Variants in ZBTB45 observed in about 807,000 individuals in gnomAD.
The protein encoded by ZBTB45 is zinc finger and BTB domain-containing protein 45.
In ZBTB45, 22 loss-of-function variants were observed where a neutral mutation model predicts 28.4. The ratio of observed to expected loss-of-function variants is 0.77; its 90% CI spans 0.55 to 1.10. The LOEUF is 1.10. Among genes scored for constraint, ZBTB45 ranks in the 50% least tolerant of loss-of-function variants. The probability of loss-of-function intolerance (pLI) is 0.00; values close to 1 mark genes in which losing one functional copy is unlikely to be tolerated. For synonymous variants in ZBTB45, 361 were observed against 332.3 expected (o/e 1.09, Z -0.94); for missense variants, 656 against 750.2 (o/e 0.87, Z 1.47).
chr19:58,523,671 T>A (rs2053590483), upstream of ZBTB45, among the ~76,000 whole-genome samples: 3 of 143,300 alleles, frequency 2.1e-5, no homozygotes, highest in South Asian at 6.5e-4. Context: ...CCATCTTTTT[T>A]GTTTGTTTGT....
rs184203678 is a variant in ZBTB45 at position 58,532,779 on chromosome 19, T to G, written c.-1+5922A>C. On this transcript the variant is annotated intron_variant, in intron 1 of 1. Coordinates refer to the ZBTB45 transcript ENST00000600130. ...GGCAGTCTGGTCTCAGACTCCTGAC[T>G]CAGGTGATCCGCCCACCTCGGCCTC... Among the ~76,000 whole-genome samples, 3 of 152,182 alleles carry G rather than the reference T, an allele frequency of 2.0e-5. No homozygotes were observed. The East Asian group carries it at 5.8e-4, about 29-fold the overall frequency.
chr19:58,526,529 T>A (rs796500217), intron 1 of ZBTB45, among the ~76,000 whole-genome samples: 64 of 85,156 alleles, frequency 7.5e-4, no homozygotes, highest in Middle Eastern at 6.9e-3. Flanking sequence ...ATTATTATTT[T>A]TTTTTTTTTT....
chr19:58,524,433 ATATG>A (rs770730484), upstream of ZBTB45, among the ~76,000 whole-genome samples: 2,619 of 111,752 alleles, frequency 0.023, 44 homozygotes, highest in African/African-American at 0.053. Context: ...GTGTGTTCAT[ATATG>A]TGTGTGTGTG....
rs565524918 is a variant in ZBTB45 at position 58,524,949 on chromosome 19, T to C, written c.1-7276A>G. Among the ~76,000 whole-genome samples, 9 of 151,632 alleles carry C rather than the reference T, an allele frequency of 5.9e-5. No individual in the cohort carries two copies. In the South Asian group the frequency reaches 6.3e-4, roughly 11 times the overall value. On this transcript the variant is annotated intron_variant, in intron 1 of 1. Coordinates refer to the ZBTB45 transcript ENST00000600130. ...GCCTGAGATGGGAAATGGTGGCCATTGAGGGAAGAGTCTGTGAGAGCACAG... is the reference window on the plus strand; with the variant it reads ...GCCTGAGATGGGAAATGGTGGCCATCGAGGGAAGAGTCTGTGAGAGCACAG...
At chr19:58,534,024 G>T (rs1246837266) in intron 1 of ZBTB45, among the ~76,000 whole-genome samples, 2 of 152,222 alleles carry the variant, frequency 1.3e-5, no homozygotes, top group African/African-American at 2.4e-5. Flanking sequence ...GGCAAAGCTT[G>T]TCTGTGAAGT....
intron 1 of ZBTB45, among the ~76,000 whole-genome samples, chr19:58,533,236 G>T (rs114283205): frequency 0.026 from 3,915 of 152,264 alleles, 167 homozygotes; most frequent in African/African-American, 0.089. Context: ...CCTCCCAAAG[G>T]CATTTTTTCT....
chr19:58,522,004 T>C (rs1453967441), upstream of ZBTB45, among the ~76,000 whole-genome samples: 1 of 152,002 alleles, frequency 6.6e-6, no homozygotes, highest in African/African-American at 2.4e-5. Flanking sequence ...GAGGAAAATA[T>C]GTACCAGGTG....
At chr19:58,530,919 A>C (rs1057257758) in intron 1 of ZBTB45, among the ~76,000 whole-genome samples, 2 of 151,910 alleles carry the variant, frequency 1.3e-5, no homozygotes, top group Admixed American at 1.3e-4. Flanking sequence ...TCCCGACCTC[A>C]TGATCCACCT....
chr19:58,526,225 T>C (rs1432212462), intron 1 of ZBTB45, among the ~76,000 whole-genome samples: 4 of 152,064 alleles, frequency 2.6e-5, no homozygotes, highest in Non-Finnish European at 5.9e-5. Flanking sequence ...ATTATTATTA[T>C]TGAGATGCAG....
At chr19:58,530,934 T>A (rs1258132167) in intron 1 of ZBTB45, among the ~76,000 whole-genome samples, 1 of 152,038 alleles carries the variant, frequency 6.6e-6, no homozygotes, top group Non-Finnish European at 1.5e-5. Context: ...CCACCTGCCT[T>A]GGCTTCCCAA....
At chr19:58,530,136 C>T (rs988457361) in intron 1 of ZBTB45, among the ~76,000 whole-genome samples, 2 of 151,570 alleles carry the variant, frequency 1.3e-5, no homozygotes, top group Admixed American at 6.6e-5. Flanking sequence ...CCTGGGAGGT[C>T]GAGGCTGCAG....
At chr19:58,531,285 C>T (rs757495660) in intron 1 of ZBTB45, among the ~76,000 whole-genome samples, 3 of 152,144 alleles carry the variant, frequency 2.0e-5, no homozygotes, top group Non-Finnish European at 4.4e-5. Context: ...TGAACCTCGT[C>T]TCCTTCTCCT....
Position 58,516,449 on chromosome 19 carries a change from G to C in ZBTB45, c.1225C>G (p.Arg409Gly). The C allele has an allele frequency of 6.2e-7, 1 of 1,614,008 alleles. No individual in the cohort carries two copies. Among genetic ancestry groups the C allele is most frequent in the Non-Finnish European group, 8.5e-7 (1 of 1,179,892 alleles). Residue 409 changes from arginine to glycine, a missense_variant, in exon 2 of 3, where the codon CGC becomes GGC. Physicochemically the swap from Arg to Gly is moderately radical, Grantham distance 125. This residue lies in a region of ZBTB45 where 448 missense variants were observed against 444.3 expected (regional missense o/e 1.01). Transcript: ENST00000594051. This position sits in a 1 kb window ranked among gnomAD's most constrained non-coding sequence, Gnocchi z 6.2. ...EPPTYECSHCRKTFSSRKNYT... is the reference protein window; with the variant it reads ...EPPTYECSHCGKTFSSRKNYT... ...TTTTTCCGGGAGCTGAACGTCTTGC[G>C]ACAGTGGCTGCACTCATACGTAGGT...
At chr19:58,530,786 C>T (rs963870912) in intron 1 of ZBTB45, among the ~76,000 whole-genome samples, 1 of 151,436 alleles carries the variant, frequency 6.6e-6, no homozygotes, top group Non-Finnish European at 1.5e-5. Flanking sequence ...CGGGTTCACG[C>T]CATTCTCCTG....
chr19:58,523,660 T>C (rs1259368044), upstream of ZBTB45, among the ~76,000 whole-genome samples: 1 of 147,004 alleles, frequency 6.8e-6, no homozygotes, highest in African/African-American at 2.5e-5. Flanking sequence ...AGAGCAAGAC[T>C]CCATCTTTTT....
intron 1 of ZBTB45, among the ~76,000 whole-genome samples, chr19:58,525,488 C>T (rs979962004): frequency 2.0e-5 from 3 of 152,076 alleles, no homozygotes; most frequent in Non-Finnish European, 2.9e-5. Context: ...GACATGGGAG[C>T]CGTGTGAGGT....
chr19:58,518,151 C>A (rs529419404), intron 1 of ZBTB45, among the ~76,000 whole-genome samples: 15 of 152,300 alleles, frequency 9.8e-5, no homozygotes, highest in Middle Eastern at 3.4e-3. Context: ...CTCTACCCAG[C>A]TAGCTTCCAC....
At chr19:58,526,834 T>C (rs1403959875) in intron 1 of ZBTB45, among the ~76,000 whole-genome samples, 3 of 151,674 alleles carry the variant, frequency 2.0e-5, no homozygotes, top group Non-Finnish European at 4.4e-5. Flanking sequence ...CCCGGCCTAT[T>C]ATTATTTTTT....
intron 1 of ZBTB45, among the ~76,000 whole-genome samples, chr19:58,537,642 G>A (rs2053667488): frequency 6.6e-6 from 1 of 152,070 alleles, no homozygotes; most frequent in South Asian, 2.1e-4. Flanking sequence ...TCCTGCAAGT[G>A]TTTGGGGCAG....
Sources: allele counts gnomAD v4.1 joint callset (sites outside exome capture counted in the v4.1 genomes callset), GRCh38; gene constraint gnomAD v4.1.1; regional missense constraint gnomAD v4.1.1; non-coding constraint Gnocchi (gnomAD v3.1); transcripts MANE v1.5; gene names NCBI Gene and HGNC (gene_info 2026-07-23, HGNC 2026-07-21).